TOX: variants seen among roughly 807,000 people sequenced by gnomAD.
TOX encodes thymocyte selection associated high mobility group box.
A neutral mutation model predicts 53.7 loss-of-function variants in TOX; 11 were observed. The observed-to-expected ratio is 0.20, with a 90% confidence interval of 0.13 to 0.34. TOX has a LOEUF of 0.34. Among genes scored for constraint, TOX ranks in the 10% least tolerant of loss-of-function variants. The pLI is 1.00. For missense variants in TOX, 570 were observed against 664.6 expected (o/e 0.86, Z 1.56); for synonymous variants, 225 against 245.3 (o/e 0.92, Z 0.77).
At chr8:58,956,103 A>T (rs1411935782) in intron 2 of TOX, among the ~76,000 whole-genome samples, 1 of 152,194 alleles carries the variant, frequency 6.6e-6, no homozygotes, top group Non-Finnish European at 1.5e-5. Flanking sequence ...CATCTTCAAA[A>T]CTGAAAAATC....
At chr8:59,074,387 A>C (rs963010618) in intron 1 of TOX, among the ~76,000 whole-genome samples, 3 of 152,190 alleles carry the variant, frequency 2.0e-5, no homozygotes, top group African/African-American at 7.2e-5. Context: ...CTTACCATTC[A>C]ATACAGGTTC....
chr8:58,898,458 A>G (rs2129172542), intron 3 of TOX, among the ~76,000 whole-genome samples: 1 of 123,792 alleles, frequency 8.1e-6, no homozygotes, highest in East Asian at 2.4e-4. Context: ...AATTTGTTCT[A>G]CAAAACATCC....
intron 3 of TOX, among the ~76,000 whole-genome samples, chr8:58,876,096 T>C (rs150179970): frequency 1.3e-5 from 2 of 152,118 alleles, no homozygotes; most frequent in African/African-American, 2.4e-5. Context: ...AAACTAAGTA[T>C]AGAGATGGAT....
chr8:59,106,521 TA>T (rs1323509385), intron 1 of TOX, among the ~76,000 whole-genome samples: 1 of 152,192 alleles, frequency 6.6e-6, no homozygotes, highest in Non-Finnish European at 1.5e-5. Flanking sequence ...GTGTTTCACT[TA>T]AGAAATGAAT....
At chr8:58,823,280 G>C (rs1810311603) in intron 6 of TOX, among the ~76,000 whole-genome samples, 1 of 152,088 alleles carries the variant, frequency 6.6e-6, no homozygotes. Flanking sequence ...TGGAGGGCAG[G>C]TGGTACAATC....
intron 4 of TOX, among the ~76,000 whole-genome samples, chr8:58,846,735 T>C (rs912776635): frequency 6.6e-6 from 1 of 152,112 alleles, no homozygotes; most frequent in Non-Finnish European, 1.5e-5. Flanking sequence ...ACTGAAGATA[T>C]TGTTGAACCT....
intron 2 of TOX, among the ~76,000 whole-genome samples, chr8:58,959,602 T>C (rs951717714): frequency 6.6e-6 from 1 of 152,214 alleles, no homozygotes; most frequent in Non-Finnish European, 1.5e-5. Context: ...CACGTGTAGC[T>C]TATAATGATT....
chr8:59,059,749 A>G (rs1803945715), intron 1 of TOX, among the ~76,000 whole-genome samples: 1 of 152,188 alleles, frequency 6.6e-6, no homozygotes, highest in Non-Finnish European at 1.5e-5. Context: ...CCTTATGTAC[A>G]GAGTGTGGGA....
At chr8:59,095,781 G>A (rs1415181249) in intron 1 of TOX, among the ~76,000 whole-genome samples, 1 of 152,202 alleles carries the variant, frequency 6.6e-6, no homozygotes, top group Non-Finnish European at 1.5e-5. Flanking sequence ...CATTTCTGTG[G>A]CAGTTTTCAC....
intron 1 of TOX, among the ~76,000 whole-genome samples, chr8:59,000,355 C>T (rs923217545): frequency 6.6e-6 from 1 of 152,038 alleles, no homozygotes; most frequent in African/African-American, 2.4e-5. Context: ...AGTGAAGACA[C>T]TATGGGAATA....
intron 3 of TOX, among the ~76,000 whole-genome samples, chr8:58,884,180 T>C (rs1255004722): frequency 1.3e-5 from 2 of 152,144 alleles, no homozygotes; most frequent in Non-Finnish European, 2.9e-5. Flanking sequence ...TTTAATAGGT[T>C]TGAATTAGGT....
intron 3 of TOX, among the ~76,000 whole-genome samples, chr8:58,867,065 A>G (rs768784207): frequency 6.6e-6 from 1 of 152,172 alleles, no homozygotes; most frequent in Non-Finnish European, 1.5e-5. Flanking sequence ...TCTACCCAGC[A>G]TTTTTTAAAT....
Position 58,807,796 on chromosome 8 carries a change from A to G in TOX, c.1545-13T>C, listed in dbSNP as rs761961124. 9.3e-6 allele frequency: 15 copies of G among 1,613,932 alleles called. No individual in the cohort carries two copies. The highest frequency in any genetic ancestry group is 1.3e-5 in the Non-Finnish European group (15 of 1,179,940). On this transcript the variant is annotated splice_polypyrimidine_tract_variant and intron_variant, in intron 8 of 8. Transcript: ENST00000361421. ...CCTCTGCATGCCCCTGTAGGAAGAG[A>G]AAAAAGACAGTTCCTTGTTACAGGA...
At chr8:58,824,063 AT>A (rs1810326142) in intron 6 of TOX, among the ~76,000 whole-genome samples, 1 of 151,524 alleles carries the variant, frequency 6.6e-6, no homozygotes, top group African/African-American at 2.4e-5. Flanking sequence ...CTGAATGTCA[AT>A]GCTGTGCCAT....
chr8:58,905,334 A>G (rs1811795498), intron 3 of TOX, among the ~76,000 whole-genome samples: 1 of 152,184 alleles, frequency 6.6e-6, no homozygotes, highest in African/African-American at 2.4e-5. Flanking sequence ...TAACCAAATG[A>G]CTACTTTCCT....
chr8:58,886,225 T>A (rs892365589), intron 3 of TOX, among the ~76,000 whole-genome samples: 33 of 152,146 alleles, frequency 2.2e-4, no homozygotes, highest in South Asian at 1.0e-3. Context: ...AGCCCCAGCC[T>A]ACCACCCTCA....
At chr8:58,971,496 G>A (rs918041036) in intron 1 of TOX, among the ~76,000 whole-genome samples, 1 of 152,196 alleles carries the variant, frequency 6.6e-6, no homozygotes, top group Non-Finnish European at 1.5e-5. Flanking sequence ...ACATGCAAGA[G>A]CATTTGTAAA....
chr8:59,064,610 T>G (rs1341248435), intron 1 of TOX, among the ~76,000 whole-genome samples: 1 of 152,186 alleles, frequency 6.6e-6, no homozygotes, highest in East Asian at 1.9e-4. Flanking sequence ...ATATATAAAC[T>G]CGTGCTCTGC....
chr8:58,843,657 A>G (rs1330309667), intron 4 of TOX, among the ~76,000 whole-genome samples: 1 of 152,208 alleles, frequency 6.6e-6, no homozygotes, highest in African/African-American at 2.4e-5. Context: ...GCTTTGCTCT[A>G]TGAAATATAA....
Sources: gnomAD v4.1 joint callset for allele counts (sites outside exome capture counted in the v4.1 genomes callset) on GRCh38, gnomAD v4.1.1 for gene constraint, MANE v1.5 for transcripts, NCBI Gene and HGNC (gene_info 2026-07-23, HGNC 2026-07-21) for gene names.